Variants in KAT7 observed in about 807,000 individuals in gnomAD.
KAT7 encodes histone acetyltransferase KAT7.
In KAT7, 10 loss-of-function variants were observed where a neutral mutation model predicts 82.1. That is an observed-to-expected ratio of 0.12 (90% CI 0.08 to 0.21). The LOEUF is 0.21. Ranked by LOEUF, KAT7 falls within the 10% of genes least tolerant of loss-of-function variation. The pLI is 1.00. For synonymous variants in KAT7, 250 were observed against 262.5 expected (o/e 0.95, Z 0.46); for missense variants, 378 against 760.9 (o/e 0.50, Z 5.92).
At chr17:49,824,255 G>T (rs899575019) in intron 12 of KAT7, among the ~76,000 whole-genome samples, 4 of 152,170 alleles carry the variant, frequency 2.6e-5, no homozygotes, top group Non-Finnish European at 4.4e-5. Flanking sequence ...TGAATAACAA[G>T]ACTCTACTGT....
At chr17:49,812,414 G>A (rs1032534403) in intron 7 of KAT7, among the ~76,000 whole-genome samples, 1 of 151,638 alleles carries the variant, frequency 6.6e-6, no homozygotes, top group Admixed American at 6.6e-5. Context: ...TAGTAGAGAC[G>A]GGGTTTTACC....
At chr17:49,816,338 A>G (rs2074234759) in intron 8 of KAT7, among the ~76,000 whole-genome samples, 1 of 152,202 alleles carries the variant, frequency 6.6e-6, no homozygotes, top group Non-Finnish European at 1.5e-5. Flanking sequence ...GTGAAGAGGA[A>G]TAATGGAAAA....
intron 2 of KAT7, among the ~76,000 whole-genome samples, chr17:49,794,660 T>G (rs1271970988): frequency 6.6e-6 from 1 of 152,236 alleles, no homozygotes; most frequent in African/African-American, 2.4e-5. Context: ...TCTCGGCAGA[T>G]GGAACAGCAT....
At chr17:49,824,797 A>G (rs1024342268) in intron 12 of KAT7, 1 of 152,220 alleles carries the variant, frequency 6.6e-6, no homozygotes, top group East Asian at 1.9e-4. Flanking sequence ...TAACAAAAGT[A>G]TAATAAATGC....
At chr17:49,794,840 G>T (rs917529014) in intron 2 of KAT7, among the ~76,000 whole-genome samples, 8 of 152,152 alleles carry the variant, frequency 5.3e-5, no homozygotes, top group Non-Finnish European at 8.8e-5. Flanking sequence ...CATTTACAAT[G>T]TCAGCAATGT....
At chr17:49,824,868 C>G (rs2074350429) in intron 12 of KAT7, 1 of 151,946 alleles carries the variant, frequency 6.6e-6, no homozygotes, top group Non-Finnish European at 1.5e-5. Flanking sequence ...TCTTGTTTTA[C>G]CTACATTTTC....
chr17:49,792,177 A>G, intron 2 of KAT7, 144 bp downstream of exon 2: 2 of 787,062 alleles, frequency 2.5e-6, no homozygotes, highest in South Asian at 3.6e-5. Context: ...TGTAGAGTGA[A>G]TGCAGAGTTG....
At chr17:49,798,243 G>A in intron 3 of KAT7, 76 bp from the exon 4 acceptor site, 2 of 1,377,598 alleles carry the variant, frequency 1.5e-6, no homozygotes, top group Non-Finnish European at 1.0e-6. Flanking sequence ...AACCTGGGAA[G>A]CCCATAAACT....
rs973894770 is a variant in KAT7 at position 49,818,569 on chromosome 17, A to G, written c.1155+558A>G. Among the ~76,000 whole-genome samples, 4 of 152,088 alleles carry G rather than the reference A, an allele frequency of 2.6e-5. No individual in the cohort carries two copies. The East Asian group carries it at 5.8e-4, about 22-fold the overall frequency. On this transcript the variant is annotated intron_variant, in intron 9 of 14. Transcript: ENST00000259021. Reference sequence around the variant, plus strand: ...ACAGGTATAAGGAGTTGAATCTGTTATTGTTGACAAATAGGTTTACTAGAT... The same window carrying G: ...ACAGGTATAAGGAGTTGAATCTGTTGTTGTTGACAAATAGGTTTACTAGAT...
At chr17:49,798,607 C>G (rs766432729) in intron 4 of KAT7, 49 bp downstream of exon 4, 162 of 1,538,566 alleles carry the variant, frequency 1.1e-4, no homozygotes, top group Non-Finnish European at 1.4e-4. Flanking sequence ...GGTTCTCTCT[C>G]CCAGGATCAT....
Position 49,827,719 on chromosome 17 carries a change from G to A in KAT7, c.*217G>A. 2 of 583,826 alleles carry A rather than the reference G, an allele frequency of 3.4e-6. No homozygotes were observed. Among genetic ancestry groups the A allele is most frequent in the South Asian group, 4.2e-5 (2 of 47,356 alleles). 36.2% of individuals were successfully genotyped at this position (583,826 alleles called of 1,614,324 possible). Reference sequence around the variant, plus strand: ...GGCCTCAGTGAGGTTGCCTGGATGGGATCTGTATTAGACTTGAGTGCAGGT... The same window carrying A: ...GGCCTCAGTGAGGTTGCCTGGATGGAATCTGTATTAGACTTGAGTGCAGGT... On this transcript the variant is annotated 3_prime_UTR_variant, in exon 15 of 15. Coordinates refer to ENST00000259021, the MANE Select transcript of KAT7 (RefSeq NM_007067.5).
rs1444408738 is a variant in KAT7 at position 49,833,033 on chromosome 17, C to T, written c.*5531C>T. On this transcript the variant is annotated 3_prime_UTR_variant, in exon 15 of 15. Transcript: ENST00000259021. The stretch of plus-strand genomic sequence containing the variant: ...GCAACAAAATCCCAATGAATGTCAC[C>T]AAGAAGGAAACAAAGGATTGCCCAG... 1.3e-5 allele frequency: 2 copies of T among 152,150 alleles called. No homozygotes were observed. Among genetic ancestry groups the T allele is most frequent in the Non-Finnish European group, 2.9e-5 (2 of 68,032 alleles). The allele number at this position is 152,150 out of a possible 1,614,324, so 9.4% of individuals were successfully genotyped here. A position where few individuals can be genotyped will look rare whatever the true frequency, so the allele number is the denominator to read the frequency against.
chr17:49,794,685 A>G (rs1365645416), intron 2 of KAT7, among the ~76,000 whole-genome samples: 2 of 152,250 alleles, frequency 1.3e-5, no homozygotes, highest in East Asian at 3.8e-4. Context: ...TAAGGAAAAG[A>G]CATAATGTTT....
At chr17:49,821,453 G>A in intron 10 of KAT7, 27 bp downstream of exon 10, 1 of 1,589,874 alleles carries the variant, frequency 6.3e-7, no homozygotes, top group Non-Finnish European at 8.6e-7. Context: ...TTAGAAAGGA[G>A]TTGAAATGTT....
Position 49,798,353 on chromosome 17 carries a change from G to A in KAT7, c.375G>A (p.Pro125=), listed in dbSNP as rs755621145. The A allele has an allele frequency of 7.4e-6, 12 of 1,613,962 alleles. No homozygotes were observed. The highest frequency in any genetic ancestry group is 5.3e-5 in the African/African-American group (4 of 74,922). The change falls in exon 4 of 15, where the codon CCG becomes CCA. Residue 125 remains proline (P), a synonymous_variant. Coordinates refer to ENST00000259021, the MANE Select transcript of KAT7 (RefSeq NM_007067.5). Reference sequence around the variant, plus strand: ...ATACAGCTGATCATGATGAGTCACCGCCTCGAACTCCAACTGGAAATGCGC... The same window carrying A: ...ATACAGCTGATCATGATGAGTCACCACCTCGAACTCCAACTGGAAATGCGC... ...TKNTADHDES[P]PRTPTGNAPS...
At chr17:49,823,996 G>A (rs1014947979) in intron 12 of KAT7, among the ~76,000 whole-genome samples, 1 of 152,212 alleles carries the variant, frequency 6.6e-6, no homozygotes. Flanking sequence ...GTACCTTACA[G>A]GGGTTAGGTA....
intron 4 of KAT7, among the ~76,000 whole-genome samples, chr17:49,804,620 A>T (rs886737781): frequency 3.3e-5 from 5 of 152,068 alleles, no homozygotes; most frequent in African/African-American, 1.2e-4. Flanking sequence ...AAAAAATTTT[A>T]AAATGGGCCC....
At position 49,811,117 on chromosome 17, in the gene KAT7, T is replaced by G. The variant is rs568091067; in HGVS notation, c.754-359T>G. The stretch of plus-strand genomic sequence containing the variant: ...CATGTTTTGGTACCTTCTTTTTTTT[T>G]TTTGTTTTTGTGCCAGAGTCTCGCT... On this transcript the variant is annotated intron_variant, in intron 6 of 14. Coordinates refer to ENST00000259021, the MANE Select transcript of KAT7 (RefSeq NM_007067.5). 7.3e-4 allele frequency among the ~76,000 whole-genome samples: 111 copies of G among 152,016 alleles called. 1 individual carries two copies. Among genetic ancestry groups the G allele is most frequent in the Middle Eastern group, 6.8e-3 (2 of 294 alleles).
intron 4 of KAT7, among the ~76,000 whole-genome samples, chr17:49,800,801 A>G (rs2074015071): frequency 6.6e-6 from 1 of 152,156 alleles, no homozygotes. Context: ...GTGAAGGAAA[A>G]TGAAACTGGG....
Sources: gnomAD v4.1 joint callset for allele counts (sites outside exome capture counted in the v4.1 genomes callset) on GRCh38, gnomAD v4.1.1 for gene constraint, MANE v1.5 for transcripts, NCBI Gene and HGNC (gene_info 2026-07-23, HGNC 2026-07-21) for gene names.